The following DDHD2 variants were observed in gnomAD, a reference collection of about 807,000 sequenced individuals.
DDHD2 encodes the protein DDHD domain containing 2.
A neutral mutation model predicts 91.2 loss-of-function variants in DDHD2; 62 were observed. That is an observed-to-expected ratio of 0.68 (90% CI 0.55 to 0.84). The LOEUF is 0.84. Ranked by LOEUF, DDHD2 falls within the 40% of genes least tolerant of loss-of-function variation. The pLI is 0.00. For missense variants in DDHD2, 740 were observed against 846.9 expected (o/e 0.87, Z 1.57); for synonymous variants, 271 against 293.9 (o/e 0.92, Z 0.80).
Position 38,245,929 on chromosome 8 carries a change from TC to T in DDHD2, c.1038del (p.Ile347LeufsTer6). ...QRNPDFKGGV[S>X]IAGHSLGSLI... ...GAACCCTGATTTCAAAGGGGGTGTATCCATTGCTGGTCATAGTTTAGGTAAC... is the reference window on the plus strand; with the variant it reads ...GAACCCTGATTTCAAAGGGGGTGTATCATTGCTGGTCATAGTTTAGGTAAC... On this transcript the variant is annotated frameshift_variant, in exon 8 of 18. Coordinates refer to ENST00000397166, the MANE Select transcript of DDHD2 (RefSeq NM_015214.3). LOFTEE classifies it high-confidence loss of function. 6.2e-7 allele frequency: 1 copy of T among 1,613,778 alleles called. No homozygotes were observed. The highest frequency in any genetic ancestry group is 8.5e-7 in the Non-Finnish European group (1 of 1,180,022).
intron 13 of DDHD2, 131 bp from the exon 14 acceptor site, chr8:38,252,591 A>G (rs1806195604): frequency 2.8e-6 from 2 of 704,932 alleles, no homozygotes. Flanking sequence ...ACAGTGAGCC[A>G]TGATTGCACC....
intron 16 of DDHD2, among the ~76,000 whole-genome samples, chr8:38,256,129 C>T (rs1455229891): frequency 6.6e-6 from 1 of 152,098 alleles, no homozygotes; most frequent in Non-Finnish European, 1.5e-5. Context: ...ACATATTCAT[C>T]ACTCTCAAAA....
chr8:38,263,694 G>A (rs1304641707), downstream of DDHD2: 1 of 985,058 alleles, frequency 1.0e-6, no homozygotes, highest in African/African-American at 1.7e-5. Flanking sequence ...AAGGTAAACA[G>A]AATCAAAGTA....
Position 38,238,208 on chromosome 8 carries a change from T to C in DDHD2, c.621T>C (p.Cys207=). ...GVENISVDIH[C]GEPLQIDHLV... The stretch of plus-strand genomic sequence containing the variant: ...AGAACATCTCTGTTGACATTCATTG[T>C]GGTAATGTTAATCGTTTATTTTTTC... Residue 207 remains cysteine, a splice_region_variant and synonymous_variant, in exon 5 of 18, where the codon TGT becomes TGC. Coordinates refer to ENST00000397166, the MANE Select transcript of DDHD2 (RefSeq NM_015214.3). The C allele has an allele frequency of 6.2e-7, 1 of 1,613,798 alleles. No individual in the cohort carries two copies.
downstream of DDHD2, among the ~76,000 whole-genome samples, chr8:38,265,250 G>A (rs1807411119): frequency 7.5e-6 from 1 of 132,968 alleles, no homozygotes. Flanking sequence ...TGGGCGCAGA[G>A]CTAGACTCTG....
In DDHD2 at chr8:38,262,310, C is replaced by A. The variant is rs1302563759; in HGVS notation, c.*1737C>A. 6.6e-6 allele frequency: 1 copy of A among 151,966 alleles called. No homozygotes were observed. The highest frequency in any genetic ancestry group is 1.5e-5 in the Non-Finnish European group (1 of 68,002). The allele number at this position is 151,966 out of a possible 1,614,324, so 9.4% of individuals were successfully genotyped here. A position where few individuals can be genotyped will look rare whatever the true frequency, so the allele number is the denominator to read the frequency against. On this transcript the variant is annotated 3_prime_UTR_variant, in exon 18 of 18. Transcript: ENST00000397166. ...AGAATAGGTGCTATTTAAGAGTAAA[C>A]CAAAGGATAAGCAGAGGGAGTCCCT...
chr8:38,240,663 A>G (rs1226673520), intron 6 of DDHD2, among the ~76,000 whole-genome samples: 1 of 152,230 alleles, frequency 6.6e-6, no homozygotes, highest in Non-Finnish European at 1.5e-5. Flanking sequence ...GGAACCATAA[A>G]GATGATAGAG....
chr8:38,249,039 G>A (rs916800741), intron 10 of DDHD2, among the ~76,000 whole-genome samples: 2 of 151,782 alleles, frequency 1.3e-5, no homozygotes, highest in South Asian at 2.1e-4. Flanking sequence ...CAGTGCTTGC[G>A]TTCATCAGCA....
intron 6 of DDHD2, among the ~76,000 whole-genome samples, chr8:38,241,266 T>C (rs1341657723): frequency 2.6e-5 from 4 of 152,050 alleles, no homozygotes; most frequent in Non-Finnish European, 1.5e-5. Flanking sequence ...TGGTGCTTGT[T>C]TATAAGAACC....
chr8:38,251,944 A>C lies in DDHD2; in HGVS notation c.1377A>C (p.Ser459=). The part of the protein sequence containing the change: ...GIKRPAPQPA[S]GANIPKESEF... ...AGAGACCAGCCCCGCAGCCTGCTTC[A>C]GGGGCAAACATCCCCAAAGAATCTG... The change falls in exon 12 of 18, where the codon TCA becomes TCC. Residue 459 remains serine, a synonymous_variant. Coordinates refer to ENST00000397166, the MANE Select transcript of DDHD2 (RefSeq NM_015214.3). 1 of 1,613,988 alleles carries C rather than the reference A, an allele frequency of 6.2e-7. No homozygotes were observed. Among genetic ancestry groups the C allele is most frequent in the Non-Finnish European group, 8.5e-7 (1 of 1,179,844 alleles).
chr8:38,263,940 A>G (rs1296322262), downstream of DDHD2: 4 of 985,268 alleles, frequency 4.1e-6, no homozygotes, highest in Admixed American at 6.1e-5. Flanking sequence ...TCCTTTTACT[A>G]GAACATGTGG....
Position 38,245,822 on chromosome 8 carries a change from A to G in DDHD2, c.929A>G (p.Tyr310Cys), listed in dbSNP as rs771731389. The part of the protein sequence containing the change: ...TNDTILDVFF[Y>C]NSPTYCQTIV... ...GACACAATTCTGGATGTCTTCTTCT[A>G]CAATAGTCCCACCTACTGTCAGACT... The change falls in exon 8 of 18, where the codon TAC becomes TGC. Residue 310 changes from tyrosine to cysteine, a missense_variant. Transcript: ENST00000397166. The G allele has an allele frequency of 2.5e-6, 4 of 1,614,182 alleles. No individual in the cohort carries two copies. Among genetic ancestry groups the G allele is most frequent in the Non-Finnish European group, 1.7e-6 (2 of 1,180,026 alleles).
At chr8:38,240,207 C>A in intron 5 of DDHD2, 68 bp from the exon 6 acceptor site, 3 of 885,090 alleles carry the variant, frequency 3.4e-6, no homozygotes, top group Non-Finnish European at 5.2e-6. Context: ...ATAACCTTTT[C>A]ATGATGAATG....
At chr8:38,244,843 C>T (rs909604892) in intron 7 of DDHD2, among the ~76,000 whole-genome samples, 4 of 151,718 alleles carry the variant, frequency 2.6e-5, no homozygotes, top group African/African-American at 7.2e-5. Flanking sequence ...GCATTACAGG[C>T]GTGAGCCACC....
chr8:38,264,817 A>C (rs1252676106), downstream of DDHD2: 1 of 1,560,160 alleles, frequency 6.4e-7, no homozygotes, highest in Admixed American at 2.1e-5. Context: ...CTGAACACCA[A>C]ATCAAAACAC....
intron 7 of DDHD2, 130 bp downstream of exon 7, chr8:38,242,515 C>G (rs947876194): frequency 1.0e-6 from 1 of 957,442 alleles, no homozygotes; most frequent in South Asian, 1.7e-5. Context: ...CTATTAAATG[C>G]TGATCAGTCC....
downstream of DDHD2, chr8:38,266,369 C>T (rs561458463): frequency 8.1e-5 from 118 of 1,457,080 alleles, 1 homozygote; most frequent in African/African-American, 1.5e-3. Flanking sequence ...CCTCATTCAT[C>T]CCCACATAGG....
intron 3 of DDHD2, among the ~76,000 whole-genome samples, chr8:38,235,441 T>C (rs974125134): frequency 1.3e-5 from 2 of 151,746 alleles, no homozygotes; most frequent in African/African-American, 4.8e-5. Context: ...AAAAAAATAC[T>C]CCGGGCCTGG....
Position 38,240,371 on chromosome 8 carries a change from T to G in DDHD2, c.712+7T>G. ...CGAAGCATTGTACAGTGTGGTAGGTTTGCAAAGCATGTGAGAGAATATTAA... is the reference window on the plus strand; with the variant it reads ...CGAAGCATTGTACAGTGTGGTAGGTGTGCAAAGCATGTGAGAGAATATTAA... On this transcript the variant is annotated splice_region_variant and intron_variant, in intron 6 of 17. Coordinates refer to ENST00000397166, the MANE Select transcript of DDHD2 (RefSeq NM_015214.3). 1 of 1,586,850 alleles carries G rather than the reference T, an allele frequency of 6.3e-7. No individual in the cohort carries two copies. Among genetic ancestry groups the G allele is most frequent in the Non-Finnish European group, 8.6e-7 (1 of 1,158,942 alleles).
Sources: gnomAD v4.1 joint callset for allele counts (sites outside exome capture counted in the v4.1 genomes callset) on GRCh38, gnomAD v4.1.1 for gene constraint, MANE v1.5 for transcripts, NCBI Gene and HGNC (gene_info 2026-07-23, HGNC 2026-07-21) for gene names.